Variants in GPHN observed in about 807,000 individuals in gnomAD.
The protein encoded by GPHN is gephyrin.
Under a neutral mutation model 95.5 loss-of-function variants are expected in GPHN, and 17 were observed. That is an observed-to-expected ratio of 0.18 (90% CI 0.12 to 0.27). GPHN has a LOEUF of 0.27. Ranked by LOEUF, GPHN falls within the 10% of genes least tolerant of loss-of-function variation. The pLI, the probability that GPHN is intolerant of heterozygous loss-of-function variation, is 1.00. For missense variants in GPHN, 660 were observed against 978.1 expected, an observed-to-expected ratio of 0.67 and a Z score of 4.34; for synonymous variants, 320 against 322.5, an observed-to-expected ratio of 0.99 and a Z score of 0.08.
At chr14:66,572,619 T>C (rs1051428296) in intron 1 of GPHN, among the ~76,000 whole-genome samples, 6 of 152,136 alleles carry the variant, frequency 3.9e-5, no homozygotes, top group Non-Finnish European at 8.8e-5. Flanking sequence ...TTTTGGATCT[T>C]AAAACTTTAC....
At chr14:67,120,643 A>G (rs764858202) in intron 16 of GPHN, among the ~76,000 whole-genome samples, 2 of 152,200 alleles carry the variant, frequency 1.3e-5, no homozygotes, top group Non-Finnish European at 2.9e-5. Context: ...ATAATCACAC[A>G]TTTTTCTTTC....
At chr14:67,350,557 A>C in the GPHN span, 12 of 1,458,462 alleles carry the variant, frequency 8.2e-6, no homozygotes, top group South Asian at 1.4e-4. Flanking sequence ...AAATGAAATT[A>C]TGAGACTGAA....
At chr14:67,169,114 T>C (rs755890190) in intron 21 of GPHN, 78 bp downstream of exon 21, 1 of 869,636 alleles carries the variant, frequency 1.1e-6, no homozygotes, top group South Asian at 1.3e-5. Context: ...CTGTCCAAAA[T>C]AAACATCTAG....
At chr14:66,599,875 TA>T (rs1362409826) in intron 1 of GPHN, among the ~76,000 whole-genome samples, 1 of 152,026 alleles carries the variant, frequency 6.6e-6, no homozygotes, top group Admixed American at 6.5e-5. Flanking sequence ...GTATTCAGGC[TA>T]AAAAATACCT....
At chr14:67,231,685 A>AG in the GPHN span, among the ~76,000 whole-genome samples, 1 of 152,272 alleles carries the variant, frequency 6.6e-6, no homozygotes, top group South Asian at 2.1e-4. Flanking sequence ...ATACCTCAAT[A>AG]GGCCAAGCTC....
the GPHN span, chr14:67,727,471 TTTTTGTTTTTTTTG>T: frequency 8.7e-6 from 3 of 345,106 alleles, no homozygotes; most frequent in East Asian, 7.2e-5. Context: ...AGACAGAGGC[TTTTTGTTTTTTTTG>T]TTTTTTTTTT....
chr14:67,134,821 TTTCTTTCTTTCTTTTTCC>T lies in GPHN; in HGVS notation c.1749-8528_1749-8511del, dbSNP rs1281973599. On this transcript the variant is annotated intron_variant, in intron 17 of 22. Transcript: ENST00000478722. ...ACTTTTTGCCCTACTTGTTATTTTC[TTTCTTTCTTTCTTTTTCC>T]TTCTTTCTTTCTCTTTCTCTTTCTT... 1.6e-4 allele frequency among the ~76,000 whole-genome samples: 24 copies of T among 151,940 alleles called. 1 individual carries two copies. The South Asian group carries it at 5.0e-3, about 32-fold the overall frequency.
At chr14:67,140,238 G>A (rs1300198) in intron 17 of GPHN, among the ~76,000 whole-genome samples, 7,610 of 152,096 alleles carry the variant, frequency 0.05, 266 homozygotes, top group Non-Finnish European at 0.073. Flanking sequence ...ACAAAAATTA[G>A]CCTGGCATGT....
intron 1 of GPHN, among the ~76,000 whole-genome samples, chr14:66,628,838 T>C (rs2063620380): frequency 6.6e-6 from 1 of 151,684 alleles, no homozygotes; most frequent in African/African-American, 2.4e-5. Context: ...AGCAGGAAGA[T>C]TGCTTAATCC....
chr14:66,660,258 C>T (rs1461686402), intron 1 of GPHN, among the ~76,000 whole-genome samples: 1 of 152,058 alleles, frequency 6.6e-6, no homozygotes, highest in Non-Finnish European at 1.5e-5. Context: ...CTGTGAGAGT[C>T]TATAATAGTT....
the GPHN span, among the ~76,000 whole-genome samples, chr14:67,321,992 G>A: frequency 6.6e-6 from 1 of 151,798 alleles, no homozygotes; most frequent in East Asian, 1.9e-4. Context: ...CACAGTGAAT[G>A]CTTGGTTGTA....
the GPHN span, chr14:67,189,681 T>G: frequency 1.3e-5 from 2 of 152,072 alleles, no homozygotes; most frequent in African/African-American, 4.8e-5. Context: ...TTTTCCATCT[T>G]CCTCTTCTCC....
chr14:67,501,592 G>A, the GPHN span, among the ~76,000 whole-genome samples: 1 of 152,118 alleles, frequency 6.6e-6, no homozygotes, highest in Admixed American at 6.6e-5. Context: ...TAGTTATATT[G>A]GAGCCAGGGC....
chr14:67,673,495 T>C, the GPHN span, among the ~76,000 whole-genome samples: 1 of 152,222 alleles, frequency 6.6e-6, no homozygotes, highest in Non-Finnish European at 1.5e-5. Flanking sequence ...TCGTATCTTT[T>C]TCACTGTAAT....
chr14:67,493,150 C>G, the GPHN span, among the ~76,000 whole-genome samples: 8 of 152,196 alleles, frequency 5.3e-5, no homozygotes, highest in African/African-American at 1.9e-4. Context: ...GTTTGAGAAA[C>G]AGCAAGGCCA....
At chr14:67,565,914 G>T in the GPHN span, among the ~76,000 whole-genome samples, 19 of 152,286 alleles carry the variant, frequency 1.2e-4, no homozygotes, top group East Asian at 3.7e-3. Context: ...GAGGTCAGGA[G>T]TTCGAGACCA....
chr14:66,762,270 TTCATGTCAGAATGTTAAAGC>T (rs1365811239), intron 2 of GPHN, among the ~76,000 whole-genome samples: 4 of 152,116 alleles, frequency 2.6e-5, no homozygotes, highest in African/African-American at 9.7e-5. Flanking sequence ...TTACCAATGG[TTCATGTCAGAATGTTAAAGC>T]TCTTGAAAGA....
intron 4 of GPHN, among the ~76,000 whole-genome samples, chr14:66,836,995 G>T (rs896887696): frequency 1.4e-5 from 2 of 146,914 alleles, no homozygotes; most frequent in South Asian, 4.4e-4. Context: ...CACTGTTGGT[G>T]GGACTGTAAA....
At chr14:67,204,696 C>T in the GPHN span, 108 of 1,613,870 alleles carry the variant, frequency 6.7e-5, no homozygotes, top group Middle Eastern at 2.8e-3. Flanking sequence ...TCATCTCCCT[C>T]TTGAATCAGG....
Sources: allele counts gnomAD v4.1 joint callset (sites outside exome capture counted in the v4.1 genomes callset), GRCh38; gene constraint gnomAD v4.1.1; transcripts MANE v1.5; gene names NCBI Gene and HGNC (gene_info 2026-07-23, HGNC 2026-07-21).